The following SLC9A8 variants were observed in gnomAD, a reference collection of about 807,000 sequenced individuals.
SLC9A8 encodes sodium/hydrogen exchanger 8.
In SLC9A8, 48 loss-of-function variants were observed where a neutral mutation model predicts 66.6. That is an observed-to-expected ratio of 0.72 (90% CI 0.57 to 0.92). The LOEUF is 0.92. Among genes scored for constraint, SLC9A8 ranks in the 40% least tolerant of loss-of-function variants. SLC9A8 has a pLI of 0.00. For missense variants in SLC9A8, 599 were observed against 747.3 expected, an observed-to-expected ratio of 0.80 and a Z score of 2.31; for synonymous variants, 274 against 282.6, an observed-to-expected ratio of 0.97 and a Z score of 0.31.
chr20:49,830,668 G>A (rs1219547357), intron 3 of SLC9A8: 2 of 652,568 alleles, frequency 3.1e-6, no homozygotes, highest in African/African-American at 1.8e-5. Context: ...GAGGACTGCA[G>A]CAGCTGCTTC....
intron 5 of SLC9A8, among the ~76,000 whole-genome samples, chr20:49,848,201 G>C (rs998753907): frequency 6.6e-6 from 1 of 151,926 alleles, no homozygotes; most frequent in Non-Finnish European, 1.5e-5. Context: ...TGGGATTACA[G>C]GTTTGAGCCA....
At chr20:49,838,421 C>T (rs913529298) in intron 3 of SLC9A8, among the ~76,000 whole-genome samples, 4 of 152,202 alleles carry the variant, frequency 2.6e-5, no homozygotes, top group Non-Finnish European at 4.4e-5. Context: ...TTCATTGACT[C>T]CTTTTATAGC....
chr20:49,884,042 C>T lies in SLC9A8; in HGVS notation c.1467C>T (p.Val489=), dbSNP rs1165192493. The T allele has an allele frequency of 1.2e-6, 2 of 1,613,642 alleles. No homozygotes were observed. Among genetic ancestry groups the T allele is most frequent in the East Asian group, 2.2e-5 (1 of 44,860 alleles). Residue 489 remains valine, a synonymous_variant, in exon 14 of 16, where the codon GTC becomes GTT. Coordinates refer to ENST00000361573, the MANE Select transcript of SLC9A8 (RefSeq NM_015266.3). ...CACACCGCAGGAACAAGAAGGACGT[C>T]AACCTCAGCAAGACTGAGAAGATGG... The part of the protein sequence containing the change: ...AKAHRRNKKD[V]NLSKTEKMGN...
intron 4 of SLC9A8, among the ~76,000 whole-genome samples, chr20:49,844,609 C>G (rs1367310010): frequency 1.5e-5 from 2 of 130,284 alleles, no homozygotes; most frequent in Admixed American, 1.8e-4. Context: ...CATAGCGGGA[C>G]CCTGTATCTT....
chr20:49,849,521 C>T, intron 5 of SLC9A8, 58 bp from the exon 6 acceptor site: 1 of 1,373,612 alleles, frequency 7.3e-7, no homozygotes. Context: ...CAGGCCGTGC[C>T]TTCACTGACA....
chr20:49,827,014 G>T (rs1002431116), intron 3 of SLC9A8, among the ~76,000 whole-genome samples: 3 of 150,678 alleles, frequency 2.0e-5, no homozygotes, highest in African/African-American at 7.3e-5. Context: ...CGATCTTGGC[G>T]CACTGCAACC....
intron 14 of SLC9A8, among the ~76,000 whole-genome samples, chr20:49,884,367 G>A (rs2089815113): frequency 7.2e-6 from 1 of 139,814 alleles, no homozygotes; most frequent in Non-Finnish European, 1.5e-5. Context: ...AGAAGGAGGT[G>A]ACGGAACTTG....
intron 8 of SLC9A8, among the ~76,000 whole-genome samples, chr20:49,857,338 G>GT (rs1484673952): frequency 6.6e-6 from 1 of 152,186 alleles, no homozygotes; most frequent in Non-Finnish European, 1.5e-5. Context: ...TTTCTTAGAA[G>GT]TTTTTTTATA....
intron 2 of SLC9A8, among the ~76,000 whole-genome samples, chr20:49,817,844 G>A (rs1002941890): frequency 5.9e-5 from 9 of 152,074 alleles, no homozygotes; most frequent in Admixed American, 2.0e-4. Context: ...AACAATGAAG[G>A]ACTCTCTTTT....
At chr20:49,867,255 A>AT (rs1004205855) in intron 10 of SLC9A8, among the ~76,000 whole-genome samples, 7 of 151,960 alleles carry the variant, frequency 4.6e-5, no homozygotes, top group African/African-American at 9.7e-5. Flanking sequence ...TTTAAAAACA[A>AT]TTTTTTTTGT....
chr20:49,822,163 A>G (rs2146463256), intron 2 of SLC9A8, among the ~76,000 whole-genome samples: 2 of 152,356 alleles, frequency 1.3e-5, no homozygotes, highest in South Asian at 4.1e-4. Context: ...TGGGAATGGC[A>G]GGACACAGCT....
intron 5 of SLC9A8, among the ~76,000 whole-genome samples, chr20:49,845,557 A>G (rs1199199611): frequency 6.6e-6 from 1 of 151,180 alleles, no homozygotes. Flanking sequence ...AGGCCCATCC[A>G]TCCTTCCATG....
At chr20:49,848,906 C>T (rs923218941) in intron 5 of SLC9A8, among the ~76,000 whole-genome samples, 8 of 152,034 alleles carry the variant, frequency 5.3e-5, no homozygotes, top group African/African-American at 1.7e-4. Context: ...CCGTGTTGTG[C>T]GAAAGCAGGT....
intron 10 of SLC9A8, among the ~76,000 whole-genome samples, chr20:49,871,835 T>G (rs915645477): frequency 6.6e-6 from 1 of 152,212 alleles, no homozygotes; most frequent in African/African-American, 2.4e-5. Context: ...CAGGGCTTAC[T>G]TATCCATATA....
chr20:49,850,819 A>G lies in SLC9A8; in HGVS notation c.544A>G (p.Ile182Val). The change falls in exon 7 of 16, where the codon ATC (isoleucine) becomes GTC (valine). Residue 182 changes from isoleucine to valine, a missense_variant. Transcript: ENST00000361573. Reference sequence around the variant, plus strand: ...GTGTTTTATTTTACAGGCTGATGTAATCTCTAAACTCAACATGACAGACAG... The same window carrying G: ...GTGTTTTATTTTACAGGCTGATGTAGTCTCTAAACTCAACATGACAGACAG... ...GIYFLGQADV[I>V]SKLNMTDSFA... The G allele has an allele frequency of 1.2e-6, 2 of 1,611,138 alleles. No homozygotes were observed. Among genetic ancestry groups the G allele is most frequent in the Non-Finnish European group, 1.7e-6 (2 of 1,179,154 alleles).
At chr20:49,873,482 CAAAAAAAAAAA>C (rs3092533) in intron 10 of SLC9A8, among the ~76,000 whole-genome samples, 1 of 103,110 alleles carries the variant, frequency 9.7e-6, no homozygotes, top group Admixed American at 1.1e-4. Flanking sequence ...ACCCTGTCTC[CAAAAAAAAAAA>C]AAAAAAAAGA....
intron 2 of SLC9A8, among the ~76,000 whole-genome samples, chr20:49,817,327 CA>C (rs906638430): frequency 1.2e-4 from 18 of 151,238 alleles, no homozygotes; most frequent in Non-Finnish European, 2.5e-4. Flanking sequence ...CCCACCCCCC[CA>C]AAAAAACAAA....
intron 9 of SLC9A8, 22 bp from the exon 10 acceptor site, chr20:49,864,717 T>C (rs1326433346): frequency 6.3e-7 from 1 of 1,582,228 alleles, no homozygotes; most frequent in Non-Finnish European, 8.7e-7. Context: ...TCGATTCTCC[T>C]TCCTTGACAG....
intron 13 of SLC9A8, among the ~76,000 whole-genome samples, chr20:49,882,119 TC>T: frequency 1.4e-5 from 2 of 141,466 alleles, no homozygotes; most frequent in Middle Eastern, 3.6e-3. Context: ...TCAGAGCTTC[TC>T]CTCCTTCCCA....
Sources: gnomAD v4.1 joint callset for allele counts (sites outside exome capture counted in the v4.1 genomes callset) on GRCh38, gnomAD v4.1.1 for gene constraint, MANE v1.5 for transcripts, NCBI Gene and HGNC (gene_info 2026-07-23, HGNC 2026-07-21) for gene names.